FAM240B: variants seen among roughly 807,000 people sequenced by gnomAD.
FAM240B encodes family with sequence similarity 240 member B.
At chr9:38,702,162 C>T (rs149424135) in intron 2 of FAM240B, among the ~76,000 whole-genome samples, 25 of 152,236 alleles carry the variant, frequency 1.6e-4, no homozygotes, top group Admixed American at 3.9e-4. Context: ...GACCACACAA[C>T]GGACTCTCTT....
At chr9:38,702,679 C>G (rs1821144658) in intron 2 of FAM240B, among the ~76,000 whole-genome samples, 1 of 152,188 alleles carries the variant, frequency 6.6e-6, no homozygotes, top group Admixed American at 6.5e-5. Flanking sequence ...TCAGCAGACT[C>G]CTTGGAATAG....
At chr9:38,718,665 A>C (rs1030970426) in intron 1 of FAM240B, among the ~76,000 whole-genome samples, 3 of 152,222 alleles carry the variant, frequency 2.0e-5, no homozygotes, top group Non-Finnish European at 4.4e-5. Context: ...AAAATAAAAA[A>C]TAATTATAAT....
chr9:38,701,161 G>A lies in FAM240B; in HGVS notation c.143+2696C>T, dbSNP rs1245025249. Reference sequence around the variant, plus strand: ...TTAAAAAGGTCTGTGTGTTACGTGTGTGTGTGTATGTGTACATTGGAAGGT... The same window carrying A: ...TTAAAAAGGTCTGTGTGTTACGTGTATGTGTGTATGTGTACATTGGAAGGT... On this transcript the variant is annotated intron_variant, in intron 2 of 2. Coordinates refer to ENST00000637493, the MANE Select transcript of FAM240B (RefSeq NM_001394922.1). Among the ~76,000 whole-genome samples the A allele has an allele frequency of 2.6e-5, 4 of 152,182 alleles. No homozygotes were observed. In the East Asian group the frequency reaches 7.7e-4, roughly 29 times the overall value.
intron 2 of FAM240B, among the ~76,000 whole-genome samples, chr9:38,696,466 G>A (rs1477579155): frequency 6.6e-6 from 1 of 152,158 alleles, no homozygotes; most frequent in Admixed American, 6.5e-5. Context: ...CCTGTTGCTG[G>A]GTGGTGCCTG....
intron 1 of FAM240B, among the ~76,000 whole-genome samples, chr9:38,719,307 T>G (rs552160244): frequency 1.4e-4 from 21 of 152,162 alleles, no homozygotes; most frequent in African/African-American, 4.6e-4. Context: ...ATTAGTTCTA[T>G]TTTCAGTAAA....
intron 1 of FAM240B, among the ~76,000 whole-genome samples, chr9:38,705,931 G>C (rs1821186384): frequency 6.6e-6 from 1 of 152,144 alleles, no homozygotes. Flanking sequence ...CATGTGGGTG[G>C]GTGGTGGCAG....
intron 1 of FAM240B, among the ~76,000 whole-genome samples, chr9:38,719,485 T>G (rs1210973374): frequency 6.6e-6 from 1 of 152,168 alleles, no homozygotes; most frequent in Non-Finnish European, 1.5e-5. Context: ...GCTCATGCAC[T>G]TGAGTCTATC....
At chr9:38,718,030 A>T (rs1426171079) in intron 1 of FAM240B, among the ~76,000 whole-genome samples, 4 of 152,194 alleles carry the variant, frequency 2.6e-5, no homozygotes, top group Non-Finnish European at 4.4e-5. Flanking sequence ...TGTGTACAAA[A>T]TATTGTTTTT....
intron 1 of FAM240B, among the ~76,000 whole-genome samples, chr9:38,714,441 G>A (rs912682228): frequency 1.3e-5 from 2 of 152,194 alleles, no homozygotes; most frequent in Non-Finnish European, 2.9e-5. Context: ...CAAATTGTCT[G>A]ATACTCCCCT....
At chr9:38,708,475 A>C (rs1403307365) in intron 1 of FAM240B, among the ~76,000 whole-genome samples, 1 of 152,172 alleles carries the variant, frequency 6.6e-6, no homozygotes, top group Non-Finnish European at 1.5e-5. Context: ...TGCGAAACAC[A>C]GCTGCATCCC....
At chr9:38,708,709 G>A (rs1000476755) in intron 1 of FAM240B, among the ~76,000 whole-genome samples, 1 of 152,150 alleles carries the variant, frequency 6.6e-6, no homozygotes, top group South Asian at 2.1e-4. Flanking sequence ...CATGCCACAT[G>A]CTTGTTCAGG....
chr9:38,710,811 G>A lies in FAM240B; in HGVS notation c.-3-6809C>T, dbSNP rs147066082. On this transcript the variant is annotated intron_variant, in intron 1 of 2. Transcript: ENST00000637493. Reference sequence around the variant, plus strand: ...TATGGAATGCCTTTTATTCTTCAAAGTGCTCTACATCTCACCTTCAATTCC... The same window carrying A: ...TATGGAATGCCTTTTATTCTTCAAAATGCTCTACATCTCACCTTCAATTCC... Among the ~76,000 whole-genome samples, 596 of 152,230 alleles carry A rather than the reference G, an allele frequency of 3.9e-3. 7 individuals carry two copies. Among genetic ancestry groups the A allele is most frequent in the African/African-American group, 0.014 (564 of 41,524 alleles).
chr9:38,700,914 G>A (rs1388618267), intron 2 of FAM240B, among the ~76,000 whole-genome samples: 1 of 152,220 alleles, frequency 6.6e-6, no homozygotes, highest in African/African-American at 2.4e-5. Context: ...ACCCACAGGT[G>A]TGTGCTTAAC....
At chr9:38,717,853 G>A (rs542158089) in intron 1 of FAM240B, among the ~76,000 whole-genome samples, 13 of 152,242 alleles carry the variant, frequency 8.5e-5, no homozygotes, top group African/African-American at 2.9e-4. Flanking sequence ...TGTGAACGTC[G>A]TTTTGTGCAC....
At chr9:38,716,199 C>T (rs1587595045) in intron 1 of FAM240B, among the ~76,000 whole-genome samples, 1 of 152,144 alleles carries the variant, frequency 6.6e-6, no homozygotes, top group Non-Finnish European at 1.5e-5. Flanking sequence ...TGGCCCGGTG[C>T]GGTGGCTCAA....
At chr9:38,708,599 A>C (rs1821217832) in intron 1 of FAM240B, among the ~76,000 whole-genome samples, 1 of 152,090 alleles carries the variant, frequency 6.6e-6, no homozygotes, top group South Asian at 2.1e-4. Context: ...ACTTGCTCGG[A>C]GCCCCTTTGC....
At chr9:38,717,160 C>T (rs371101277) in intron 1 of FAM240B, among the ~76,000 whole-genome samples, 6 of 152,216 alleles carry the variant, frequency 3.9e-5, no homozygotes, top group Admixed American at 3.9e-4. Flanking sequence ...CGGCTTCCCT[C>T]TCTTAGGCTG....
chr9:38,717,573 C>T (rs767779938), intron 1 of FAM240B, among the ~76,000 whole-genome samples: 7 of 152,160 alleles, frequency 4.6e-5, no homozygotes, highest in Non-Finnish European at 8.8e-5. Flanking sequence ...CTCCGCCTCC[C>T]GGGTTCACGC....
intron 1 of FAM240B, among the ~76,000 whole-genome samples, chr9:38,706,274 C>T (rs915878246): frequency 1.3e-5 from 2 of 152,058 alleles, no homozygotes; most frequent in African/African-American, 4.8e-5. Context: ...CATTGATAGA[C>T]AGTGTTGAGG....
Sources: allele counts gnomAD v4.1 joint callset (sites outside exome capture counted in the v4.1 genomes callset), GRCh38; gene constraint gnomAD v4.1.1; transcripts MANE v1.5; gene names NCBI Gene and HGNC (gene_info 2026-07-23, HGNC 2026-07-21).